The following LPIN1 variants were observed in gnomAD, a reference collection of about 807,000 sequenced individuals.
LPIN1 encodes lipin 1.
In LPIN1, 71 loss-of-function variants were observed where a neutral mutation model predicts 107.5. The ratio of observed to expected loss-of-function variants is 0.66; its 90% CI spans 0.55 to 0.80. The LOEUF is 0.80. Ranked by LOEUF, LPIN1 falls within the 30% of genes least tolerant of loss-of-function variation. The probability of loss-of-function intolerance (pLI) is 0.00; values close to 1 mark genes in which losing one functional copy is unlikely to be tolerated. For missense variants in LPIN1, 1,043 were observed against 1,160.6 expected, an observed-to-expected ratio of 0.90 and a Z score of 1.47; for synonymous variants, 445 against 452.6, an observed-to-expected ratio of 0.98 and a Z score of 0.21.
chr2:11,822,433 G>C (rs146704160), intron 20 of LPIN1, among the ~76,000 whole-genome samples: 4,538 of 150,996 alleles, frequency 0.03, 105 homozygotes, highest in Middle Eastern at 0.11. Flanking sequence ...CTGGGTGACA[G>C]AGTGAGACTC....
At chr2:11,805,357 T>G in intron 17 of LPIN1, 31 of 627,556 alleles carry the variant, frequency 4.9e-5, no homozygotes, top group Non-Finnish European at 6.4e-5. Context: ...TTGAATTCAA[T>G]ACCAAGAAAC....
intron 1 of LPIN1, among the ~76,000 whole-genome samples, chr2:11,709,657 A>T (rs182283485): frequency 1.3e-5 from 2 of 152,244 alleles, no homozygotes; most frequent in Non-Finnish European, 2.9e-5. Context: ...TGACTTTGGT[A>T]GTACCGTTTC....
chr2:11,794,694 C>A (rs989781543), intron 13 of LPIN1, among the ~76,000 whole-genome samples: 1 of 152,210 alleles, frequency 6.6e-6, no homozygotes, highest in African/African-American at 2.4e-5. Context: ...TCTCTCTGGT[C>A]TCTTCTGTCC....
intron 1 of LPIN1, among the ~76,000 whole-genome samples, chr2:11,708,733 A>C (rs1053415663): frequency 3.9e-5 from 6 of 152,144 alleles, no homozygotes; most frequent in Non-Finnish European, 7.3e-5. Context: ...AGAGGGGGAA[A>C]AACTTGCCAA....
At chr2:11,717,453 T>C (rs996525312) in intron 2 of LPIN1, among the ~76,000 whole-genome samples, 21 of 152,128 alleles carry the variant, frequency 1.4e-4, no homozygotes, top group Non-Finnish European at 2.9e-4. Context: ...TTTGCCTCTC[T>C]TTTTTATTGT....
In LPIN1 at chr2:11,765,917, A is replaced by G. The variant is rs887549030; in HGVS notation, c.192+184A>G. Among the ~76,000 whole-genome samples the G allele has an allele frequency of 7.2e-5, 11 of 152,234 alleles. No homozygotes were observed. The East Asian group carries it at 2.1e-3, about 29-fold the overall frequency. ...TAGTTAGTATGGCTGTGTAAATTAA[A>G]GTGCCGTGGCACACACCACTGTTTA... On this transcript the variant is annotated intron_variant, in intron 2 of 20. Transcript: ENST00000674199. The surrounding 1 kb of genome is among the most constrained non-coding windows in gnomAD (Gnocchi z 4.4).
chr2:11,705,141 A>T (rs1663065685), intron 1 of LPIN1, among the ~76,000 whole-genome samples: 1 of 152,194 alleles, frequency 6.6e-6, no homozygotes, highest in African/African-American at 2.4e-5. Flanking sequence ...CCCCTCCCAT[A>T]AATAGTAGCC....
intron 1 of LPIN1, among the ~76,000 whole-genome samples, chr2:11,698,667 G>A (rs1356421654): frequency 6.6e-6 from 1 of 152,206 alleles, no homozygotes; most frequent in African/African-American, 2.4e-5. Context: ...CCCGCTGCTG[G>A]GCACTTCTAT....
intron 17 of LPIN1, among the ~76,000 whole-genome samples, chr2:11,809,570 C>T (rs1443897381): frequency 6.6e-6 from 1 of 152,210 alleles, no homozygotes; most frequent in African/African-American, 2.4e-5. Flanking sequence ...GCATGTGCCA[C>T]CACGCCCGGG....
intron 1 of LPIN1, among the ~76,000 whole-genome samples, chr2:11,692,782 G>T (rs1047105623): frequency 6.6e-6 from 1 of 152,038 alleles, no homozygotes; most frequent in Non-Finnish European, 1.5e-5. Flanking sequence ...AAAATAGTCA[G>T]AAAAAAGGAC....
chr2:11,731,941 ATTTG>A (rs748425665), intron 1 of LPIN1, among the ~76,000 whole-genome samples: 2 of 151,882 alleles, frequency 1.3e-5, no homozygotes, highest in Non-Finnish European at 2.9e-5. Flanking sequence ...TTGCTTGTAA[ATTTG>A]TTTAAGTTCC....
intron 17 of LPIN1, among the ~76,000 whole-genome samples, chr2:11,812,820 C>A (rs1249961000): frequency 1.3e-5 from 2 of 152,070 alleles, no homozygotes; most frequent in South Asian, 4.1e-4. Context: ...CACGTGGAGT[C>A]GGGATAGCAG....
chr2:11,721,568 T>C (rs182202281), upstream of LPIN1: 3 of 152,316 alleles, frequency 2.0e-5, no homozygotes, highest in Admixed American at 2.0e-4. Context: ...GATTTTTTTT[T>C]AACTGGGTCT....
chr2:11,748,231 T>C (rs961228686), intron 1 of LPIN1, among the ~76,000 whole-genome samples: 2 of 152,230 alleles, frequency 1.3e-5, no homozygotes, highest in Middle Eastern at 3.2e-3. Context: ...GCTCTCCTGC[T>C]CTTTGCGTGG....
At chr2:11,802,869 C>G in intron 14 of LPIN1, 38 bp from the exon 15 acceptor site, 1 of 1,610,218 alleles carries the variant, frequency 6.2e-7, no homozygotes, top group Admixed American at 1.7e-5. Flanking sequence ...TACCCAGATG[C>G]ATTTTCTAAT....
At chr2:11,729,624 A>G (rs1316418600) in intron 1 of LPIN1, among the ~76,000 whole-genome samples, 3 of 152,224 alleles carry the variant, frequency 2.0e-5, no homozygotes, top group Non-Finnish European at 4.4e-5. Context: ...AATTAATGGC[A>G]GAGTAGAGTA....
chr2:11,810,740 G>A (rs1314216313), intron 17 of LPIN1, among the ~76,000 whole-genome samples: 1 of 152,194 alleles, frequency 6.6e-6, no homozygotes, highest in African/African-American at 2.4e-5. Context: ...CATATCTGAT[G>A]AGGTGGCATC....
intron 6 of LPIN1, among the ~76,000 whole-genome samples, chr2:11,779,111 C>A (rs1012111708): frequency 5.9e-5 from 9 of 152,180 alleles, no homozygotes; most frequent in Non-Finnish European, 1.2e-4. Context: ...CCAACCAAGA[C>A]CCTTTTGCAG....
At chr2:11,815,806 G>A (rs1375161725) in intron 18 of LPIN1, among the ~76,000 whole-genome samples, 1 of 152,086 alleles carries the variant, frequency 6.6e-6, no homozygotes, top group Non-Finnish European at 1.5e-5. Context: ...CCACTGGCCA[G>A]TTTCTGATTA....
Sources: gnomAD v4.1 joint callset for allele counts (sites outside exome capture counted in the v4.1 genomes callset) on GRCh38, gnomAD v4.1.1 for gene constraint, Gnocchi (gnomAD v3.1) non-coding constraint, MANE v1.5 for transcripts, NCBI Gene and HGNC (gene_info 2026-07-23, HGNC 2026-07-21) for gene names.